ZFHX3: variants seen among roughly 807,000 people sequenced by gnomAD.
ZFHX3 encodes the protein zinc finger homeobox protein 3.
Under a neutral mutation model 279.1 loss-of-function variants are expected in ZFHX3, and 42 were observed. The ratio of observed to expected loss-of-function variants is 0.15; its 90% CI spans 0.12 to 0.19. The LOEUF (loss-of-function observed/expected upper bound fraction) is 0.19, where lower values mean the gene tolerates loss of function less well. ZFHX3 is among the 10% of genes least tolerant of loss of function. ZFHX3 has a pLI of 1.00. For missense variants in ZFHX3, 4,981 were observed against 4,754.0 expected (o/e 1.05, Z -1.40); for synonymous variants, 2,293 against 1,957.8 (o/e 1.17, Z -4.52).
chr16:73,824,491 G>A (rs1047700338), intron 1 of ZFHX3, among the ~76,000 whole-genome samples: 8 of 118,456 alleles, frequency 6.8e-5, no homozygotes, highest in African/African-American at 2.3e-4. Flanking sequence ...ATGCTGGTGC[G>A]CTGCACCCAC....
intron 3 of ZFHX3, among the ~76,000 whole-genome samples, chr16:72,911,762 G>A (rs1323032747): frequency 6.6e-6 from 1 of 152,222 alleles, no homozygotes; most frequent in Non-Finnish European, 1.5e-5. Context: ...ACGCTGGACA[G>A]CACAGATCAC....
At chr16:73,840,966 T>C (rs983643728) in intron 1 of ZFHX3, among the ~76,000 whole-genome samples, 8 of 152,128 alleles carry the variant, frequency 5.3e-5, no homozygotes, top group Middle Eastern at 3.4e-3. Context: ...CCCAAAGGAA[T>C]TGGCAGGACA....
At chr16:73,254,152 C>G (rs1347941116) in intron 5 of ZFHX3, among the ~76,000 whole-genome samples, 2 of 152,170 alleles carry the variant, frequency 1.3e-5, no homozygotes, top group South Asian at 4.1e-4. Context: ...ACTCCTCTAA[C>G]AGGCAATGGT....
At position 73,404,594 on chromosome 16, in the gene ZFHX3, T is replaced by C. The variant is rs1481238308; in HGVS notation, c.-1291+51409A>G. Reference sequence around the variant, plus strand: ...CCATTATTGTTGTTGGTATCATTATTGTTAATAGATGCCATCTGTTGATAC... The same window carrying C: ...CCATTATTGTTGTTGGTATCATTATCGTTAATAGATGCCATCTGTTGATAC... On this transcript the variant is annotated intron_variant, in intron 3 of 17. Coordinates refer to the ZFHX3 transcript ENST00000641206. Among the ~76,000 whole-genome samples, 3 of 152,254 alleles carry C rather than the reference T, an allele frequency of 2.0e-5. 1 individual carries two copies. The highest frequency in any genetic ancestry group is 4.4e-5 in the Non-Finnish European group (3 of 68,046).
At chr16:73,631,145 C>T (rs1413433644) in intron 2 of ZFHX3, among the ~76,000 whole-genome samples, 3 of 152,138 alleles carry the variant, frequency 2.0e-5, no homozygotes. Context: ...ACTTGAAGTA[C>T]GCTGTTAGGT....
chr16:73,549,176 G>GT (rs550514789), intron 2 of ZFHX3, among the ~76,000 whole-genome samples: 19 of 151,472 alleles, frequency 1.3e-4, no homozygotes, highest in East Asian at 9.7e-4. Flanking sequence ...TAATAGAAAT[G>GT]TTTTTTTTCC....
chr16:73,208,989 A>G (rs2011908888), intron 5 of ZFHX3, among the ~76,000 whole-genome samples: 1 of 152,170 alleles, frequency 6.6e-6, no homozygotes, highest in African/African-American at 2.4e-5. Context: ...TAAGCAAATC[A>G]TGGTCAAATA....
chr16:73,866,927 C>CT (rs1350121012), intron 1 of ZFHX3, among the ~76,000 whole-genome samples: 1 of 152,196 alleles, frequency 6.6e-6, no homozygotes, highest in African/African-American at 2.4e-5. Flanking sequence ...AAGTGCAGTT[C>CT]TTATCCGCCA....
At chr16:73,038,406 TCCTC>T (rs1235823779) in intron 1 of ZFHX3, among the ~76,000 whole-genome samples, 1 of 150,584 alleles carries the variant, frequency 6.6e-6, no homozygotes, top group Non-Finnish European at 1.5e-5. Flanking sequence ...GAAAAAAACT[TCCTC>T]CCTGACTCAG....
At chr16:73,075,075 T>A (rs1710067753) in intron 8 of ZFHX3, among the ~76,000 whole-genome samples, 1 of 152,244 alleles carries the variant, frequency 6.6e-6, no homozygotes, top group African/African-American at 2.4e-5. Context: ...CCCAAAGTGC[T>A]GGGATTACAC....
chr16:72,951,063 C>A (rs1252347315), intron 2 of ZFHX3, 98 bp from the exon 3 acceptor site: 4 of 1,492,972 alleles, frequency 2.7e-6, no homozygotes, highest in East Asian at 2.3e-5. Flanking sequence ...CAACTGGGGT[C>A]CAAAAGGAGA....
chr16:73,411,058 C>T (rs1470963328), intron 3 of ZFHX3, among the ~76,000 whole-genome samples: 1 of 152,180 alleles, frequency 6.6e-6, no homozygotes, highest in Non-Finnish European at 1.5e-5. Flanking sequence ...TGGCATTGAG[C>T]ACTTCTGAAT....
intron 1 of ZFHX3, among the ~76,000 whole-genome samples, chr16:73,681,838 C>A (rs2053013169): frequency 6.6e-6 from 1 of 152,156 alleles, no homozygotes; most frequent in African/African-American, 2.4e-5. Flanking sequence ...CTAAGATAAG[C>A]CCCTGCTTAG....
intron 3 of ZFHX3, among the ~76,000 whole-genome samples, chr16:73,448,685 C>CGTGTGTGTGTGTGTGTGT (rs71156167): frequency 1.4e-5 from 2 of 142,090 alleles, no homozygotes; most frequent in East Asian, 2.1e-4. Context: ...TATTTATATA[C>CGTGTGTGTGTGTGTGTGT]GTGTGTGTGT....
intron 2 of ZFHX3, among the ~76,000 whole-genome samples, chr16:73,584,771 GCAAA>G (rs2051905699): frequency 6.6e-6 from 1 of 152,256 alleles, no homozygotes; most frequent in Middle Eastern, 3.4e-3. Flanking sequence ...CTTCTGTACA[GCAAA>G]CAAACAACCA....
chr16:73,306,282 TGTG>T (rs1248141746), intron 4 of ZFHX3, among the ~76,000 whole-genome samples: 1 of 152,240 alleles, frequency 6.6e-6, no homozygotes, highest in Non-Finnish European at 1.5e-5. Context: ...TTTTAAAAAT[TGTG>T]GTGATTTGAA....
intron 2 of ZFHX3, among the ~76,000 whole-genome samples, chr16:73,481,642 G>A (rs2018871047): frequency 7.2e-6 from 1 of 139,300 alleles, no homozygotes; most frequent in Non-Finnish European, 1.5e-5. Context: ...TTGTTTGTTT[G>A]TTTGTTTTTG....
intron 1 of ZFHX3, among the ~76,000 whole-genome samples, chr16:73,776,647 CA>C (rs1419804593): frequency 6.6e-6 from 1 of 152,098 alleles, no homozygotes; most frequent in Non-Finnish European, 1.5e-5. Flanking sequence ...ACACTAAGAC[CA>C]GGGGGATTGG....
At chr16:73,515,088 G>C (rs905880689) in intron 2 of ZFHX3, among the ~76,000 whole-genome samples, 1 of 152,214 alleles carries the variant, frequency 6.6e-6, no homozygotes, top group African/African-American at 2.4e-5. Context: ...TTCCCAGAAT[G>C]TTTAGAGTCT....
Sources: gnomAD v4.1 joint callset for allele counts (sites outside exome capture counted in the v4.1 genomes callset) on GRCh38, gnomAD v4.1.1 for gene constraint, MANE v1.5 for transcripts, NCBI Gene and HGNC (gene_info 2026-07-23, HGNC 2026-07-21) for gene names.